The following MIPOL1 variants were observed in gnomAD, a reference collection of about 807,000 sequenced individuals.
The protein encoded by MIPOL1 is mirror-image polydactyly 1.
In MIPOL1, 57 loss-of-function variants were observed where a neutral mutation model predicts 60.9. The ratio of observed to expected loss-of-function variants is 0.94; its 90% CI spans 0.76 to 1.17. MIPOL1 has a LOEUF of 1.17. Among genes scored for constraint, MIPOL1 ranks in the 50% most tolerant of loss-of-function variants. The pLI, the probability that MIPOL1 is intolerant of heterozygous loss-of-function variation, is 0.00. For missense variants in MIPOL1, 551 were observed against 511.6 expected (o/e 1.08, Z -0.74); for synonymous variants, 179 against 168.8 (o/e 1.06, Z -0.47).
chr14:37,415,682 G>GT (rs1288851677), intron 10 of MIPOL1, among the ~76,000 whole-genome samples: 3 of 151,228 alleles, frequency 2.0e-5, no homozygotes, highest in Admixed American at 2.0e-4. Flanking sequence ...ATTTTGTCTA[G>GT]TATTTATAGC....
At chr14:37,387,363 T>C (rs1309938360) in intron 10 of MIPOL1, among the ~76,000 whole-genome samples, 1 of 151,948 alleles carries the variant, frequency 6.6e-6, no homozygotes, top group Non-Finnish European at 1.5e-5. Flanking sequence ...GAAGAAATAT[T>C]TTGATCAGAT....
At chr14:37,273,875 A>G (rs1459480273) in intron 6 of MIPOL1, among the ~76,000 whole-genome samples, 1 of 151,642 alleles carries the variant, frequency 6.6e-6, no homozygotes, top group Non-Finnish European at 1.5e-5. Context: ...GTATATAACT[A>G]GTACTCAGTA....
chr14:37,465,108 T>C (rs894170812), intron 11 of MIPOL1, among the ~76,000 whole-genome samples: 2 of 152,184 alleles, frequency 1.3e-5, no homozygotes, highest in African/African-American at 2.4e-5. Context: ...AAAATCAATA[T>C]AGACATGTCT....
At chr14:37,453,466 C>T (rs1414885527) in intron 11 of MIPOL1, among the ~76,000 whole-genome samples, 1 of 151,946 alleles carries the variant, frequency 6.6e-6, no homozygotes, top group Non-Finnish European at 1.5e-5. Flanking sequence ...TTTTGAAAAA[C>T]AAAAGTTATA....
At chr14:37,401,087 G>T (rs1317211781) in intron 10 of MIPOL1, 2 of 152,080 alleles carry the variant, frequency 1.3e-5, no homozygotes, top group Non-Finnish European at 2.9e-5. Flanking sequence ...TTTAATATCA[G>T]TGATCAGGGA....
intron 11 of MIPOL1, among the ~76,000 whole-genome samples, chr14:37,471,959 G>C (rs565075217): frequency 6.6e-6 from 1 of 152,274 alleles, no homozygotes; most frequent in African/African-American, 2.4e-5. Context: ...TTTATAGGAG[G>C]AAGGGAAGCA....
intron 7 of MIPOL1, among the ~76,000 whole-genome samples, chr14:37,296,009 C>T (rs1172750557): frequency 2.0e-5 from 3 of 152,186 alleles, no homozygotes; most frequent in African/African-American, 7.2e-5. Flanking sequence ...ACATTCTTCT[C>T]AGCACCACAC....
In MIPOL1 at chr14:37,546,885, C is replaced by G; in HGVS notation, c.1263-20C>G. ...TGCCCTTTTTTTCCCCTTCTCACCC[C>G]CATCCCAACCCCAACTTAGGTTGGA... On this transcript the variant is annotated intron_variant, in intron 12 of 12. Transcript: ENST00000684589. 1 of 1,610,778 alleles carries G rather than the reference C, an allele frequency of 6.2e-7. No homozygotes were observed. The highest frequency in any genetic ancestry group is 8.5e-7 in the Non-Finnish European group (1 of 1,177,644).
In MIPOL1 at chr14:37,529,532, A is replaced by G. The variant is rs138154731; in HGVS notation, c.1263-17373A>G. 9.4e-3 allele frequency among the ~76,000 whole-genome samples: 1,426 copies of G among 152,118 alleles called. 22 individuals are homozygous for G. Among genetic ancestry groups the G allele is most frequent in the African/African-American group, 0.033 (1,355 of 41,494 alleles). On this transcript the variant is annotated intron_variant, in intron 12 of 12. Transcript: ENST00000684589. Reference sequence around the variant, plus strand: ...TCTTGTAATTTGTGTATATGTATGTATATATATAATGCTAGTAATATATTG... The same window carrying G: ...TCTTGTAATTTGTGTATATGTATGTGTATATATAATGCTAGTAATATATTG...
intron 6 of MIPOL1, among the ~76,000 whole-genome samples, chr14:37,281,217 T>C (rs1263145867): frequency 1.3e-5 from 2 of 152,220 alleles, no homozygotes; most frequent in Non-Finnish European, 2.9e-5. Flanking sequence ...ATTTTTATTC[T>C]GCATGTGGAT....
intron 9 of MIPOL1, among the ~76,000 whole-genome samples, chr14:37,334,228 T>G (rs565860444): frequency 1.3e-4 from 20 of 152,054 alleles, no homozygotes; most frequent in Non-Finnish European, 2.8e-4. Context: ...TTTGATAAAT[T>G]GCATTTTCAA....
intron 1 of MIPOL1, among the ~76,000 whole-genome samples, chr14:37,203,821 CG>C (rs1965667373): frequency 6.6e-6 from 1 of 152,132 alleles, no homozygotes; most frequent in Non-Finnish European, 1.5e-5. Context: ...CTCACTCTGC[CG>C]CCCAGGCTGG....
At chr14:37,307,344 T>C (rs555056599) in intron 7 of MIPOL1, among the ~76,000 whole-genome samples, 14 of 152,086 alleles carry the variant, frequency 9.2e-5, no homozygotes, top group African/African-American at 3.4e-4. Flanking sequence ...TGTAGGTAAT[T>C]TAAAACTACT....
At chr14:37,272,271 A>C (rs1361951781) in intron 6 of MIPOL1, among the ~76,000 whole-genome samples, 2 of 151,604 alleles carry the variant, frequency 1.3e-5, no homozygotes, top group Admixed American at 1.3e-4. Flanking sequence ...AAATTCCCAA[A>C]GTTGTTTTAA....
chr14:37,445,837 T>G (rs2094325342), intron 11 of MIPOL1, among the ~76,000 whole-genome samples: 2 of 152,200 alleles, frequency 1.3e-5, no homozygotes, highest in Non-Finnish European at 2.9e-5. Flanking sequence ...ATTCCCTGTT[T>G]AATAAATGGT....
At chr14:37,296,616 A>T (rs1361847769) in intron 7 of MIPOL1, among the ~76,000 whole-genome samples, 1 of 152,222 alleles carries the variant, frequency 6.6e-6, no homozygotes, top group Admixed American at 6.5e-5. Flanking sequence ...AAAATGGCAA[A>T]GGGGATATCA....
intron 9 of MIPOL1, among the ~76,000 whole-genome samples, chr14:37,347,583 G>A (rs1338099904): frequency 3.3e-5 from 5 of 152,242 alleles, no homozygotes; most frequent in Admixed American, 3.3e-4. Flanking sequence ...TCTTTAACAA[G>A]CACAAAGAGT....
chr14:37,326,677 C>G (rs1486708669), intron 9 of MIPOL1, among the ~76,000 whole-genome samples: 1 of 152,142 alleles, frequency 6.6e-6, no homozygotes, highest in Non-Finnish European at 1.5e-5. Flanking sequence ...TTGCCGAGCC[C>G]TTGCAGAACT....
chr14:37,493,254 A>AT (rs1228311097), intron 11 of MIPOL1, among the ~76,000 whole-genome samples: 1 of 152,192 alleles, frequency 6.6e-6, no homozygotes, highest in Non-Finnish European at 1.5e-5. Flanking sequence ...TAACATTACA[A>AT]TTAAGATAGA....
Sources: allele counts gnomAD v4.1 joint callset (sites outside exome capture counted in the v4.1 genomes callset), GRCh38; gene constraint gnomAD v4.1.1; transcripts MANE v1.5; gene names NCBI Gene and HGNC (gene_info 2026-07-23, HGNC 2026-07-21).